The following TBC1D9 variants were observed in gnomAD, a reference collection of about 807,000 sequenced individuals.
TBC1D9 encodes the protein TBC1 domain family member 9A.
In TBC1D9, 63 loss-of-function variants were observed where a neutral mutation model predicts 132.0. That is an observed-to-expected ratio of 0.48 (90% CI 0.39 to 0.59). The LOEUF is 0.59. TBC1D9 is among the 20% of genes least tolerant of loss of function. The pLI is 0.00. For missense variants in TBC1D9, 1,261 were observed against 1,592.7 expected (o/e 0.79, Z 3.54); for synonymous variants, 610 against 609.9 (o/e 1.00, Z 0.00).
At chr4:140,682,222 G>A (rs1737714135) in intron 3 of TBC1D9, among the ~76,000 whole-genome samples, 1 of 152,070 alleles carries the variant, frequency 6.6e-6, no homozygotes, top group South Asian at 2.1e-4. Context: ...CATACTGGAG[G>A]GCATTATGGA....
At chr4:140,743,433 C>T (rs1438730971) in intron 1 of TBC1D9, among the ~76,000 whole-genome samples, 1 of 152,150 alleles carries the variant, frequency 6.6e-6, no homozygotes, top group Non-Finnish European at 1.5e-5. Context: ...GGGAATTAAG[C>T]TCAGAGAGGA....
At chr4:140,717,018 G>A (rs908198796) in intron 1 of TBC1D9, among the ~76,000 whole-genome samples, 9 of 151,538 alleles carry the variant, frequency 5.9e-5, no homozygotes. Context: ...ATAATACAAT[G>A]AAAGACTTGG....
chr4:140,724,244 C>A (rs1738465443), intron 1 of TBC1D9, among the ~76,000 whole-genome samples: 1 of 152,130 alleles, frequency 6.6e-6, no homozygotes, highest in Non-Finnish European at 1.5e-5. Flanking sequence ...TCACCATCCA[C>A]TCAAAAGTAC....
intron 1 of TBC1D9, among the ~76,000 whole-genome samples, chr4:140,728,001 A>G (rs991573707): frequency 6.6e-6 from 1 of 152,232 alleles, no homozygotes; most frequent in African/African-American, 2.4e-5. Context: ...TACCAGAAAA[A>G]TAGAGTAGAG....
intron 1 of TBC1D9, among the ~76,000 whole-genome samples, chr4:140,704,020 A>G (rs1348330676): frequency 6.6e-6 from 1 of 152,228 alleles, no homozygotes; most frequent in Non-Finnish European, 1.5e-5. Flanking sequence ...ATAAGAAATA[A>G]AATGCTGAAA....
chr4:140,657,021 T>C (rs1737282499), intron 13 of TBC1D9, 76 bp downstream of exon 13: 3 of 1,535,922 alleles, frequency 2.0e-6, no homozygotes, highest in Admixed American at 1.7e-5. Flanking sequence ...TATTCTGTTA[T>C]AGCAGCACAA....
At chr4:140,628,857 TG>T (rs1390775101) in intron 16 of TBC1D9, among the ~76,000 whole-genome samples, 3 of 152,232 alleles carry the variant, frequency 2.0e-5, no homozygotes, top group African/African-American at 4.8e-5. Flanking sequence ...CCTTTTTAAT[TG>T]TTTTTGAGCT....
At chr4:140,742,001 C>T (rs1430574234) in intron 1 of TBC1D9, among the ~76,000 whole-genome samples, 2 of 152,178 alleles carry the variant, frequency 1.3e-5, no homozygotes, top group African/African-American at 2.4e-5. Flanking sequence ...GGTTGGTTCA[C>T]GTCTGCCTGT....
At chr4:140,634,217 C>T (rs1446389302) in intron 15 of TBC1D9, 29 bp from the exon 16 acceptor site, 3 of 1,601,994 alleles carry the variant, frequency 1.9e-6, no homozygotes, top group African/African-American at 2.7e-5. Context: ...TCACTGGGGA[C>T]CCTCTTTTGC....
intron 2 of TBC1D9, among the ~76,000 whole-genome samples, chr4:140,687,930 A>G (rs1299670372): frequency 3.9e-5 from 6 of 151,986 alleles, no homozygotes; most frequent in Non-Finnish European, 7.4e-5. Flanking sequence ...TACAAATAAT[A>G]ATAAGAAAAA....
chr4:140,674,043 C>T (rs35612407), intron 6 of TBC1D9, among the ~76,000 whole-genome samples: 1,719 of 152,280 alleles, frequency 0.011, 20 homozygotes, highest in South Asian at 0.034. Context: ...TTATGGTATT[C>T]TGAATCACAG....
intron 1 of TBC1D9, among the ~76,000 whole-genome samples, chr4:140,718,309 G>C (rs538627963): frequency 1.2e-4 from 18 of 146,070 alleles, no homozygotes; most frequent in African/African-American, 4.3e-4. Context: ...CAGGACATTT[G>C]CCTGATCTTT....
chr4:140,676,151 G>A (rs373743429), intron 6 of TBC1D9, among the ~76,000 whole-genome samples: 8 of 152,232 alleles, frequency 5.3e-5, no homozygotes, highest in Admixed American at 2.0e-4. Flanking sequence ...CTATTTACTC[G>A]GCGTAGCCCA....
At position 140,657,796 on chromosome 4, in the gene TBC1D9, T is replaced by G; in HGVS notation, c.1938A>C (p.Gln646His). Residue 646 changes from glutamine (Q) to histidine (H), a missense_variant, in exon 12 of 21, where the codon CAA (glutamine) becomes CAC (histidine). Coordinates refer to ENST00000442267, the MANE Select transcript of TBC1D9 (RefSeq NM_015130.3). ...NTRVVGALVD[Q>H]GVFEELARDY... ...CTCGTGCTAGCTCCTCAAAGACACC[T>G]TGGTCCACCAGTGCACCTGTGGCAG... 4 of 1,612,960 alleles carry G rather than the reference T, an allele frequency of 2.5e-6. No homozygotes were observed. Among genetic ancestry groups the G allele is most frequent in the Non-Finnish European group, 3.4e-6 (4 of 1,179,360 alleles).
intron 9 of TBC1D9, among the ~76,000 whole-genome samples, chr4:140,665,109 GAAAAAA>G (rs373062026): frequency 1.7e-5 from 1 of 60,142 alleles, no homozygotes; most frequent in Non-Finnish European, 3.4e-5. Flanking sequence ...TCAGTCTCCA[GAAAAAA>G]AAAAAAAAAA....
intron 1 of TBC1D9, among the ~76,000 whole-genome samples, chr4:140,744,126 TG>T (rs1030684000): frequency 2.0e-5 from 3 of 151,772 alleles, no homozygotes; most frequent in Non-Finnish European, 2.9e-5. Context: ...GGGATGGAGG[TG>T]GGGGGGATTC....
chr4:140,742,323 G>A (rs553288956), intron 1 of TBC1D9, among the ~76,000 whole-genome samples: 1 of 152,084 alleles, frequency 6.6e-6, no homozygotes, highest in East Asian at 1.9e-4. Flanking sequence ...TATGAGGTCA[G>A]GAGTTTGAGA....
At chr4:140,629,711 G>C (rs1305117155) in intron 16 of TBC1D9, among the ~76,000 whole-genome samples, 1 of 152,072 alleles carries the variant, frequency 6.6e-6, no homozygotes, top group African/African-American at 2.4e-5. Context: ...CAGGAAATAG[G>C]GGAACTGTTC....
At chr4:140,643,213 C>A in intron 13 of TBC1D9, 1 of 1,377,130 alleles carries the variant, frequency 7.3e-7, no homozygotes, top group Non-Finnish European at 1.0e-6. Flanking sequence ...AGGGCCCGCT[C>A]CGCACCTCCC....
Sources: gnomAD v4.1 joint callset for allele counts (sites outside exome capture counted in the v4.1 genomes callset) on GRCh38, gnomAD v4.1.1 for gene constraint, MANE v1.5 for transcripts, NCBI Gene and HGNC (gene_info 2026-07-23, HGNC 2026-07-21) for gene names.